The following DRC11 variants were observed in gnomAD, a reference collection of about 807,000 sequenced individuals.
DRC11 encodes the protein IQ and AAA domain-containing protein 1.
At chr2:236,485,826 C>T in the DRC11 span, among the ~76,000 whole-genome samples, 8 of 152,238 alleles carry the variant, frequency 5.3e-5, no homozygotes, top group Admixed American at 1.3e-4. Flanking sequence ...AGGAGGGGCT[C>T]GGGCAGAGGA....
At chr2:236,369,856 G>T in the DRC11 span, among the ~76,000 whole-genome samples, 1 of 152,204 alleles carries the variant, frequency 6.6e-6, no homozygotes, top group African/African-American at 2.4e-5. The surrounding 1 kb of genome is among the most constrained non-coding windows in gnomAD (Gnocchi z 4.5). Flanking sequence ...TTCCACAGGG[G>T]AGGGAAGAAG....
the DRC11 span, chr2:236,419,134 A>G: frequency 2.4e-5 from 37 of 1,513,162 alleles, no homozygotes; most frequent in African/African-American, 5.0e-4. The surrounding 1 kb of genome is among the most constrained non-coding windows in gnomAD (Gnocchi z 4.8). Flanking sequence ...CTAAAATTTC[A>G]TACAAATATT....
chr2:236,416,450 G>T, the DRC11 span, among the ~76,000 whole-genome samples: 1 of 151,832 alleles, frequency 6.6e-6, no homozygotes, highest in Non-Finnish European at 1.5e-5. Context: ...TATCCAAGGG[G>T]CCCAACTCAG....
At chr2:236,306,841 C>T in the DRC11 span, among the ~76,000 whole-genome samples, 1 of 152,196 alleles carries the variant, frequency 6.6e-6, no homozygotes, top group Non-Finnish European at 1.5e-5. The surrounding 1 kb of genome is among the most constrained non-coding windows in gnomAD (Gnocchi z 5.9). Context: ...TAATATCACA[C>T]CTCTTCAAAC....
At chr2:236,370,529 G>A in the DRC11 span, among the ~76,000 whole-genome samples, 2 of 152,058 alleles carry the variant, frequency 1.3e-5, no homozygotes, top group South Asian at 2.1e-4. This position sits in a 1 kb window ranked among gnomAD's most constrained non-coding sequence, Gnocchi z 5.5. Flanking sequence ...GCCTTCATGG[G>A]CACCGGCCCC....
chr2:236,387,829 C>T, the DRC11 span, among the ~76,000 whole-genome samples: 1 of 151,966 alleles, frequency 6.6e-6, no homozygotes, highest in Non-Finnish European at 1.5e-5. Flanking sequence ...TTTAGTGCTT[C>T]CTTCAGGAGC....
the DRC11 span, chr2:236,368,236 C>A: frequency 6.2e-7 from 1 of 1,611,430 alleles, no homozygotes; most frequent in Admixed American, 1.7e-5. Flanking sequence ...TGTCTGACAT[C>A]CAGGAGGGAG....
At chr2:236,337,569 T>C in the DRC11 span, among the ~76,000 whole-genome samples, 2 of 152,220 alleles carry the variant, frequency 1.3e-5, no homozygotes, top group Non-Finnish European at 2.9e-5. This position sits in a 1 kb window ranked among gnomAD's most constrained non-coding sequence, Gnocchi z 4.9. Context: ...CACCCAGCTA[T>C]GCAGGGGCAG....
chr2:236,501,185 CT>C, the DRC11 span, among the ~76,000 whole-genome samples: 1 of 152,100 alleles, frequency 6.6e-6, no homozygotes, highest in Non-Finnish European at 1.5e-5. Context: ...GTGCCACACT[CT>C]TTTAAACAAC....
the DRC11 span, chr2:236,454,741 T>G: frequency 3.9e-5 from 6 of 152,256 alleles, no homozygotes. This position sits in a 1 kb window ranked among gnomAD's most constrained non-coding sequence, Gnocchi z 5.3. Flanking sequence ...TTGATGTCCT[T>G]AGAAGTCCTC....
the DRC11 span, among the ~76,000 whole-genome samples, chr2:236,400,312 C>T: frequency 1.3e-5 from 2 of 151,586 alleles, no homozygotes; most frequent in Non-Finnish European, 2.9e-5. This position sits in a 1 kb window ranked among gnomAD's most constrained non-coding sequence, Gnocchi z 7.9. Context: ...AGAGCCTGGC[C>T]ACCATCCTTG....
chr2:236,321,482 T>C, the DRC11 span, among the ~76,000 whole-genome samples: 5 of 151,856 alleles, frequency 3.3e-5, no homozygotes, highest in Non-Finnish European at 7.4e-5. Context: ...TATCTAAGCG[T>C]ATCTACACTC....
At chr2:236,507,320 C>G in the DRC11 span, 2 of 1,609,360 alleles carry the variant, frequency 1.2e-6, no homozygotes, top group Non-Finnish European at 8.5e-7. Flanking sequence ...TTCCGTTGCT[C>G]TCTGAAGGAC....
At chr2:236,497,143 G>A in the DRC11 span, 29 of 1,570,536 alleles carry the variant, frequency 1.8e-5, no homozygotes, top group Non-Finnish European at 2.3e-5. The surrounding 1 kb of genome is among the most constrained non-coding windows in gnomAD (Gnocchi z 5.1). Flanking sequence ...CAACTAATAA[G>A]AAAACAACAG....
the DRC11 span, among the ~76,000 whole-genome samples, chr2:236,458,632 G>A: frequency 6.6e-6 from 1 of 152,144 alleles, no homozygotes; most frequent in Non-Finnish European, 1.5e-5. Context: ...ATGCCCAGGT[G>A]CTCCCAGCCA....
At chr2:236,367,973 G>A in the DRC11 span, 2 of 575,038 alleles carry the variant, frequency 3.5e-6, no homozygotes, top group South Asian at 3.8e-5. The surrounding 1 kb of genome is among the most constrained non-coding windows in gnomAD (Gnocchi z 4.8). Context: ...GCCCAGCACT[G>A]CTAAGCAGGC....
chr2:236,485,110 C>T, the DRC11 span, among the ~76,000 whole-genome samples: 2 of 152,098 alleles, frequency 1.3e-5, no homozygotes, highest in African/African-American at 2.4e-5. Context: ...TTCATACTTC[C>T]CTAGACAGTT....
chr2:236,490,120 G>A, the DRC11 span, among the ~76,000 whole-genome samples: 1 of 152,134 alleles, frequency 6.6e-6, no homozygotes, highest in Non-Finnish European at 1.5e-5. The surrounding 1 kb of genome is among the most constrained non-coding windows in gnomAD (Gnocchi z 5.5). Flanking sequence ...CCAGGGTCAG[G>A]GGCACAGGAA....
At chr2:236,309,803 C>T in the DRC11 span, among the ~76,000 whole-genome samples, 8 of 152,178 alleles carry the variant, frequency 5.3e-5, no homozygotes, top group African/African-American at 1.2e-4. This position sits in a 1 kb window ranked among gnomAD's most constrained non-coding sequence, Gnocchi z 5.7. Flanking sequence ...GGCAGGTGCC[C>T]GACGGTCCAC....
Sources: allele counts gnomAD v4.1 joint callset (sites outside exome capture counted in the v4.1 genomes callset), GRCh38; gene constraint gnomAD v4.1.1; non-coding constraint Gnocchi (gnomAD v3.1); transcripts MANE v1.5; gene names NCBI Gene and HGNC (gene_info 2026-07-23, HGNC 2026-07-21).